Variants in OTOGL observed in about 807,000 individuals in gnomAD.
OTOGL encodes otogelin-like protein.
Under a neutral mutation model 318.5 loss-of-function variants are expected in OTOGL, and 285 were observed. That is an observed-to-expected ratio of 0.89 (90% confidence interval 0.81 to 0.99). The LOEUF (loss-of-function observed/expected upper bound fraction) is 0.99. Ranked by LOEUF, OTOGL falls within the 50% of genes least tolerant of loss-of-function variation. OTOGL has a pLI of 0.00. For missense variants in OTOGL, 2,899 were observed against 2,845.6 expected (o/e 1.02, Z -0.43); for synonymous variants, 987 against 936.5 (o/e 1.05, Z -0.99).
intron 52 of OTOGL, among the ~76,000 whole-genome samples, chr12:80,366,009 T>C (rs1890505511): frequency 1.3e-5 from 2 of 152,134 alleles, no homozygotes; most frequent in Admixed American, 6.6e-5. Flanking sequence ...TACAGGACTT[T>C]CTGTGTGTCA....
chr12:80,315,955 T>C (rs1397296069), intron 32 of OTOGL, among the ~76,000 whole-genome samples: 1 of 152,298 alleles, frequency 6.6e-6, no homozygotes, highest in East Asian at 1.9e-4. Context: ...TATTGTCTAA[T>C]AATAACAACA....
intron 58 of OTOGL, 74 bp downstream of exon 58, chr12:80,377,276 T>G (rs558641574): frequency 8.5e-7 from 1 of 1,173,460 alleles, no homozygotes; most frequent in African/African-American, 1.6e-5. Context: ...CAGAAAGAAG[T>G]TTGTAAGCCA....
intron 24 of OTOGL, among the ~76,000 whole-genome samples, chr12:80,272,687 A>G (rs770447334): frequency 1.2e-4 from 19 of 152,076 alleles, no homozygotes; most frequent in Admixed American, 3.9e-4. Flanking sequence ...CCAGGGGCAA[A>G]GAAGAGCGAG....
At chr12:80,299,481 T>C (rs767668129) in intron 27 of OTOGL, among the ~76,000 whole-genome samples, 5 of 151,902 alleles carry the variant, frequency 3.3e-5, no homozygotes, top group Non-Finnish European at 7.4e-5. Flanking sequence ...CTGTATGACA[T>C]AAGATTAAGA....
At position 80,339,278 on chromosome 12, in the gene OTOGL, T is replaced by C. The variant is rs1456699218; in HGVS notation, c.5050+14T>C. 1 of 1,108,674 alleles carries C rather than the reference T, an allele frequency of 9.0e-7. No homozygotes were observed. Among genetic ancestry groups the C allele is most frequent in the South Asian group, 1.5e-5 (1 of 67,886 alleles). 68.7% of individuals were successfully genotyped at this position (1,108,674 alleles called of 1,614,324 possible). ...AAGGACTCTGTGGTGAGCGCTGCCC[T>C]TCAAATCTTGATTTCGTCTGTTTTT... On this transcript the variant is annotated intron_variant, in intron 43 of 58. Coordinates refer to ENST00000547103, the MANE Select transcript of OTOGL (RefSeq NM_001378609.3).
At chr12:80,256,292 T>G in intron 16 of OTOGL, 45 bp from the exon 17 acceptor site, 2 of 1,566,702 alleles carry the variant, frequency 1.3e-6, no homozygotes, top group Non-Finnish European at 1.7e-6. Flanking sequence ...TCTATGGCTC[T>G]CTCTCTCTCC....
At chr12:80,282,874 T>C (rs1884336863) in intron 26 of OTOGL, among the ~76,000 whole-genome samples, 2 of 151,940 alleles carry the variant, frequency 1.3e-5, no homozygotes, top group Admixed American at 1.3e-4. Context: ...TTCTTCTTTG[T>C]CTTGTGTTGC....
rs545526423 is a variant in OTOGL at position 80,135,898 on chromosome 12, G to T, written c.-20+36293G>T. On this transcript the variant is annotated intron_variant, in intron 1 of 58. Transcript: ENST00000547103. ...TGAGTGAGAGAGAATTCTCCTGCCT[G>T]ATGGCCTTTGAACTGGGACATTAGT... 5.3e-5 allele frequency among the ~76,000 whole-genome samples: 8 copies of T among 152,320 alleles called. No homozygotes were observed. The South Asian group carries it at 1.4e-3, about 28-fold the overall frequency.
chr12:80,357,002 G>T (rs1889949011), intron 49 of OTOGL, 88 bp downstream of exon 49: 2 of 689,156 alleles, frequency 2.9e-6, no homozygotes, highest in South Asian at 6.1e-5. Context: ...TGAGACTGAT[G>T]GCAAGCAATA....
intron 44 of OTOGL, among the ~76,000 whole-genome samples, chr12:80,344,920 A>G (rs1889062995): frequency 6.7e-6 from 1 of 149,146 alleles, no homozygotes; most frequent in Non-Finnish European, 1.5e-5. Flanking sequence ...CAACAAAAGA[A>G]AGTTAATTTG....
At chr12:80,106,153 T>C (rs1033021815) in intron 1 of OTOGL, among the ~76,000 whole-genome samples, 1 of 152,240 alleles carries the variant, frequency 6.6e-6, no homozygotes, top group Admixed American at 6.5e-5. Context: ...TATACTCAGA[T>C]GTTACCATTT....
intron 3 of OTOGL, 60 bp downstream of exon 3, chr12:80,210,946 C>T (rs1487752300): frequency 6.8e-6 from 8 of 1,168,016 alleles, no homozygotes; most frequent in Non-Finnish European, 8.0e-6. Flanking sequence ...ATGAGCAAAC[C>T]TCAGCAGGCA....
chr12:80,222,467 C>T (rs1402969123), intron 7 of OTOGL, among the ~76,000 whole-genome samples: 1 of 152,134 alleles, frequency 6.6e-6, no homozygotes, highest in Non-Finnish European at 1.5e-5. Context: ...TGAAATGACA[C>T]CCTCAGTATG....
At chr12:80,291,154 T>C (rs1885017275) in intron 26 of OTOGL, among the ~76,000 whole-genome samples, 8 of 152,202 alleles carry the variant, frequency 5.3e-5, no homozygotes, top group Admixed American at 5.2e-4. Flanking sequence ...TGTGTTTATG[T>C]TTAATTGTAG....
intron 32 of OTOGL, among the ~76,000 whole-genome samples, chr12:80,315,108 C>T (rs1413511694): frequency 6.6e-6 from 1 of 152,040 alleles, no homozygotes; most frequent in Non-Finnish European, 1.5e-5. Context: ...AGATGTTGGT[C>T]AAAGGGCACA....
At chr12:80,147,692 G>A (rs1028285432) in intron 1 of OTOGL, among the ~76,000 whole-genome samples, 2 of 152,106 alleles carry the variant, frequency 1.3e-5, no homozygotes, top group Non-Finnish European at 2.9e-5. Flanking sequence ...GGGAGTCTAA[G>A]TCTCTTTGTA....
At position 80,208,208 on chromosome 12, in the gene OTOGL, A is replaced by G. The variant is rs551453903; in HGVS notation, c.-19-1205A>G. 117 of 518,102 alleles carry G rather than the reference A, an allele frequency of 2.3e-4. 1 individual carries two copies. Among genetic ancestry groups the G allele is most frequent in the South Asian group, 1.3e-3 (94 of 70,874 alleles). The allele number at this position is 518,102 out of a possible 1,614,324, so 32.1% of individuals were successfully genotyped here. ...AATTAGCTATTATTTCGGCAATGGAAAGGAATTATGGTTATCTAGAGCAAG... is the reference window on the plus strand; with the variant it reads ...AATTAGCTATTATTTCGGCAATGGAGAGGAATTATGGTTATCTAGAGCAAG... On this transcript the variant is annotated intron_variant, in intron 1 of 58. Coordinates refer to ENST00000547103, the MANE Select transcript of OTOGL (RefSeq NM_001378609.3).
chr12:80,226,816 T>C, intron 7 of OTOGL, among the ~76,000 whole-genome samples: 1 of 152,298 alleles, frequency 6.6e-6, no homozygotes, highest in Middle Eastern at 3.4e-3. Flanking sequence ...TTTAATTGAC[T>C]AAGTTGGTTC....
At chr12:80,247,469 C>A (rs28811420) in intron 11 of OTOGL, among the ~76,000 whole-genome samples, 24,290 of 83,534 alleles carry the variant, frequency 0.29, 3,627 homozygotes, top group Non-Finnish European at 0.37. Context: ...TGTAGTTGAG[C>A]GGCTTTGAGT....
Sources: gnomAD v4.1 joint callset for allele counts (sites outside exome capture counted in the v4.1 genomes callset) on GRCh38, gnomAD v4.1.1 for gene constraint, MANE v1.5 for transcripts, NCBI Gene and HGNC (gene_info 2026-07-23, HGNC 2026-07-21) for gene names.